B3GLCT: variants seen among roughly 807,000 people sequenced by gnomAD.
B3GLCT encodes the protein beta-1,3-glucosyltransferase.
In B3GLCT, 65 loss-of-function variants were observed where a neutral mutation model predicts 63.4. That is an observed-to-expected ratio of 1.03 (90% CI 0.84 to 1.26). The LOEUF is 1.26. Ranked by LOEUF, B3GLCT falls within the 50% of genes most tolerant of loss-of-function variation. The probability of loss-of-function intolerance (pLI) is 0.00; values close to 1 mark genes in which losing one functional copy is unlikely to be tolerated. For synonymous variants in B3GLCT, 233 were observed against 219.2 expected (o/e 1.06, Z -0.55); for missense variants, 577 against 604.8 (o/e 0.95, Z 0.48).
chr13:31,252,465 G>T (rs1204793235), intron 6 of B3GLCT, among the ~76,000 whole-genome samples: 1 of 152,138 alleles, frequency 6.6e-6, no homozygotes, highest in Non-Finnish European at 1.5e-5. Context: ...TGCTGTGTTT[G>T]GGAGACCCAT....
intron 12 of B3GLCT, among the ~76,000 whole-genome samples, chr13:31,306,570 C>A (rs1001788655): frequency 9.1e-6 from 1 of 109,404 alleles, no homozygotes; most frequent in Non-Finnish European, 1.8e-5. Context: ...TGAGTGAACT[C>A]CCATTCACAA....
rs1467433093 is a variant in B3GLCT, at chr13:31,286,694, G to GT, written c.965-25dup. ...TATATTTTATAAGAAATAATACATT[G>GT]TAAGTTTTTTTCTTGCCTTTTCTAG... is the stretch of plus-strand genomic sequence containing the variant. On this transcript the variant is annotated intron_variant, in intron 11 of 14. Transcript: ENST00000343307. 2.2e-6 allele frequency: 3 copies of GT among 1,381,090 alleles called. No homozygotes were observed. The African/African-American group carries it at 4.3e-5, about 20-fold the overall frequency. 85.6% of individuals were successfully genotyped at this position (1,381,090 alleles called of 1,614,324 possible). A position where few individuals can be genotyped will look rare whatever the true frequency, so the allele number is the denominator to read the frequency against.
intron 13 of B3GLCT, among the ~76,000 whole-genome samples, chr13:31,322,852 C>T (rs1236789443): frequency 6.6e-6 from 1 of 152,126 alleles, no homozygotes; most frequent in Non-Finnish European, 1.5e-5. Context: ...GAGTCAGTAG[C>T]TTGAGCCCAA....
chr13:31,327,136 C>G (rs1399770025), intron 14 of B3GLCT, among the ~76,000 whole-genome samples: 2 of 152,142 alleles, frequency 1.3e-5, no homozygotes, highest in African/African-American at 4.8e-5. Context: ...TATGTTTTTT[C>G]TTATATTTTA....
chr13:31,317,821 GT>G, intron 13 of B3GLCT, 136 bp downstream of exon 13: 1 of 1,040,924 alleles, frequency 9.6e-7, no homozygotes, highest in Non-Finnish European at 1.4e-6. Flanking sequence ...TAATAGGAAA[GT>G]GAACATTATA....
At chr13:31,213,048 G>C (rs535404794) in intron 1 of B3GLCT, among the ~76,000 whole-genome samples, 2 of 150,398 alleles carry the variant, frequency 1.3e-5, no homozygotes, top group African/African-American at 5.0e-5. Flanking sequence ...ACGCGTGCGC[G>C]TGTGTGTGTA....
At chr13:31,208,531 A>C (rs1869087353) in intron 1 of B3GLCT, among the ~76,000 whole-genome samples, 1 of 147,108 alleles carries the variant, frequency 6.8e-6, no homozygotes. Flanking sequence ...ACCCTCCTTT[A>C]TTCTAGGAAG....
intron 12 of B3GLCT, among the ~76,000 whole-genome samples, chr13:31,313,641 A>G (rs996496325): frequency 6.6e-6 from 1 of 152,228 alleles, no homozygotes; most frequent in South Asian, 2.1e-4. Flanking sequence ...AGAGCATAAA[A>G]GTTTAGAAAA....
chr13:31,212,680 G>A (rs979520547), intron 1 of B3GLCT, among the ~76,000 whole-genome samples: 1 of 152,166 alleles, frequency 6.6e-6, no homozygotes, highest in South Asian at 2.1e-4. Flanking sequence ...GAAGTGCTGG[G>A]ATTACACAGA....
chr13:31,324,623 C>T lies in B3GLCT; in HGVS notation c.1329+728C>T, dbSNP rs571832346. On this transcript the variant is annotated intron_variant, in intron 14 of 14. Transcript: ENST00000343307. ...AGATCCATACCCATCTAATATCCTCCTCAAGAAATTTAAAGTTTTTGAAAC... is the reference window on the plus strand; with the variant it reads ...AGATCCATACCCATCTAATATCCTCTTCAAGAAATTTAAAGTTTTTGAAAC... Among the ~76,000 whole-genome samples the T allele has an allele frequency of 5.3e-5, 8 of 152,294 alleles. 1 individual carries two copies. The East Asian group carries it at 9.6e-4, about 18-fold the overall frequency.
At chr13:31,255,763 T>C (rs1238885295) in intron 6 of B3GLCT, among the ~76,000 whole-genome samples, 3 of 152,174 alleles carry the variant, frequency 2.0e-5, no homozygotes, top group African/African-American at 7.2e-5. Context: ...AGGCTGAAAC[T>C]GGATCCCTTT....
intron 12 of B3GLCT, among the ~76,000 whole-genome samples, chr13:31,308,131 A>G (rs9600740): frequency 0.52 from 12,783 of 24,788 alleles, 3,432 homozygotes; most frequent in Middle Eastern, 0.72. Flanking sequence ...GAATTGAACA[A>G]TGAGATCACA....
chr13:31,230,519 G>A (rs957170594), intron 4 of B3GLCT, among the ~76,000 whole-genome samples: 1 of 152,314 alleles, frequency 6.6e-6, no homozygotes, highest in East Asian at 1.9e-4. Context: ...AGGAACTGCT[G>A]GGAATAAGGT....
chr13:31,223,156 G>A (rs1228121573), intron 3 of B3GLCT, among the ~76,000 whole-genome samples, 165 bp downstream of exon 3: 1 of 152,104 alleles, frequency 6.6e-6, no homozygotes, highest in African/African-American at 2.4e-5. Context: ...GAAGATGTGG[G>A]GCAAACACCT....
At chr13:31,296,658 A>G (rs1044242945) in intron 12 of B3GLCT, among the ~76,000 whole-genome samples, 16 of 152,054 alleles carry the variant, frequency 1.1e-4, no homozygotes, top group Admixed American at 6.6e-4. Flanking sequence ...AGAAGGGTCT[A>G]TTTTTCAATA....
chr13:31,211,182 G>A (rs1307971531), intron 1 of B3GLCT, among the ~76,000 whole-genome samples: 1 of 152,148 alleles, frequency 6.6e-6, no homozygotes, highest in African/African-American at 2.4e-5. Flanking sequence ...ATCACCTGAG[G>A]TCAGGAGTTT....
At chr13:31,261,232 G>GC (rs1185284251) in intron 7 of B3GLCT, 150 bp downstream of exon 7, 2 of 845,574 alleles carry the variant, frequency 2.4e-6, no homozygotes, top group East Asian at 5.2e-5. Flanking sequence ...GGAGCCAGAT[G>GC]CTTGAGGGTT....
intron 8 of B3GLCT, among the ~76,000 whole-genome samples, chr13:31,272,200 C>T (rs547395868): frequency 5.2e-4 from 76 of 146,910 alleles, no homozygotes; most frequent in African/African-American, 1.7e-3. Flanking sequence ...GTGCCCCTCT[C>T]CTTATTTTCT....
intron 12 of B3GLCT, among the ~76,000 whole-genome samples, chr13:31,298,357 A>AT (rs1194051606): frequency 6.6e-6 from 1 of 152,236 alleles, no homozygotes; most frequent in Non-Finnish European, 1.5e-5. Context: ...TCCATCATTA[A>AT]TAACTAGTCT....
Sources: allele counts gnomAD v4.1 joint callset (sites outside exome capture counted in the v4.1 genomes callset), GRCh38; gene constraint gnomAD v4.1.1; transcripts MANE v1.5; gene names NCBI Gene and HGNC (gene_info 2026-07-23, HGNC 2026-07-21).